MACROD2: variants seen among roughly 807,000 people sequenced by gnomAD.
The protein encoded by MACROD2 is mono-ADP ribosylhydrolase 2, also known as ADP-ribose glycohydrolase MACROD2.
In MACROD2, 36 loss-of-function variants were observed where a neutral mutation model predicts 70.4. That is an observed-to-expected ratio of 0.51 (90% confidence interval 0.39 to 0.68). The LOEUF is 0.68. Ranked by LOEUF, MACROD2 falls within the 30% of genes least tolerant of loss-of-function variation. The probability of loss-of-function intolerance (pLI) is 0.00; values close to 1 mark genes in which losing one functional copy is unlikely to be tolerated. For synonymous variants in MACROD2, 172 were observed against 178.8 expected, an observed-to-expected ratio of 0.96 and a Z score of 0.30; for missense variants, 496 against 538.4, an observed-to-expected ratio of 0.92 and a Z score of 0.78.
intron 5 of MACROD2, among the ~76,000 whole-genome samples, chr20:14,856,030 A>T (rs1207724860): frequency 6.6e-6 from 1 of 152,170 alleles, no homozygotes; most frequent in Non-Finnish European, 1.5e-5. Flanking sequence ...ATTGCACTTT[A>T]CATGGCTTTG....
intron 2 of MACROD2, 80 bp downstream of exon 2, chr20:14,002,484 TCA>T: frequency 1.3e-6 from 1 of 791,462 alleles, no homozygotes; most frequent in Non-Finnish European, 2.1e-6. Context: ...TAACTGGCGT[TCA>T]ATAAAGAGAT....
chr20:15,305,074 A>G (rs2077684213), intron 6 of MACROD2, among the ~76,000 whole-genome samples: 2 of 152,154 alleles, frequency 1.3e-5, no homozygotes, highest in African/African-American at 4.8e-5. Flanking sequence ...ACCCATGAAT[A>G]TTACCTACGT....
intron 7 of MACROD2, among the ~76,000 whole-genome samples, chr20:15,468,969 T>C (rs2046930641): frequency 6.6e-6 from 1 of 152,186 alleles, no homozygotes; most frequent in Non-Finnish European, 1.5e-5. Flanking sequence ...GAAGGGGGGA[T>C]ATTTTTGAAA....
intron 6 of MACROD2, among the ~76,000 whole-genome samples, chr20:15,283,571 C>G (rs1402797366): frequency 6.6e-6 from 1 of 152,064 alleles, no homozygotes; most frequent in African/African-American, 2.4e-5. Context: ...ACTCAAGAGG[C>G]TGAGGCAGGG....
At chr20:15,253,000 G>A (rs1427872388) in intron 6 of MACROD2, among the ~76,000 whole-genome samples, 1 of 152,168 alleles carries the variant, frequency 6.6e-6, no homozygotes, top group Non-Finnish European at 1.5e-5. Context: ...CAGTCATGGA[G>A]GTAGAACCGT....
intron 5 of MACROD2, among the ~76,000 whole-genome samples, chr20:14,857,154 A>G (rs1486385572): frequency 2.0e-5 from 3 of 152,088 alleles, no homozygotes; most frequent in East Asian, 3.9e-4. Flanking sequence ...CGTTATCCCT[A>G]TTCTCTCTCT....
intron 5 of MACROD2, among the ~76,000 whole-genome samples, chr20:15,128,259 AG>A (rs1286495266): frequency 6.6e-6 from 1 of 152,086 alleles, no homozygotes; most frequent in Non-Finnish European, 1.5e-5. Flanking sequence ...TTTTTACAGT[AG>A]GTGGTTTTAA....
At chr20:14,862,371 AAAT>A (rs1354177327) in intron 5 of MACROD2, among the ~76,000 whole-genome samples, 2 of 32,750 alleles carry the variant, frequency 6.1e-5, no homozygotes, top group African/African-American at 3.4e-4. Context: ...AAATATATAT[AAAT>A]ATATATATAA....
At chr20:15,994,530 C>T (rs1601292307) in intron 15 of MACROD2, among the ~76,000 whole-genome samples, 3 of 152,322 alleles carry the variant, frequency 2.0e-5, no homozygotes, top group Admixed American at 2.0e-4. Flanking sequence ...CAGGGTCCTA[C>T]TTCTAAATCA....
intron 5 of MACROD2, among the ~76,000 whole-genome samples, chr20:14,807,371 A>G (rs1229766415): frequency 1.3e-5 from 2 of 152,162 alleles, no homozygotes; most frequent in African/African-American, 4.8e-5. Context: ...GAAGGAAACT[A>G]ACAAACAGAA....
In MACROD2 at chr20:15,845,515, G is replaced by A. The variant is rs1685260386; in HGVS notation, c.646-17230G>A. 2.0e-5 allele frequency among the ~76,000 whole-genome samples: 3 copies of A among 152,014 alleles called. No homozygotes were observed. The South Asian group carries it at 6.2e-4, about 32-fold the overall frequency. On this transcript the variant is annotated intron_variant, in intron 8 of 17. Coordinates refer to ENST00000684519, the MANE Select transcript of MACROD2 (RefSeq NM_001351661.2). ...GAAATGAGTCGTGGAAAGCAGCATA[G>A]CAAGGAATAATCTTACTTGTGGCAG... is the stretch of plus-strand genomic sequence containing the variant.
At chr20:15,068,776 A>G (rs416984) in intron 5 of MACROD2, among the ~76,000 whole-genome samples, 26,760 of 152,154 alleles carry the variant, frequency 0.18, 2,824 homozygotes, top group Non-Finnish European at 0.24. Flanking sequence ...AGCCTTAGGC[A>G]TTCCTTTATA....
intron 2 of MACROD2, among the ~76,000 whole-genome samples, chr20:14,075,484 CTTA>C (rs954039913): frequency 3.3e-5 from 5 of 152,288 alleles, no homozygotes; most frequent in African/African-American, 9.6e-5. Flanking sequence ...AATCTGTTTA[CTTA>C]TTATTTGACA....
At chr20:15,653,925 TC>T (rs1253118666) in intron 8 of MACROD2, among the ~76,000 whole-genome samples, 1 of 152,026 alleles carries the variant, frequency 6.6e-6, no homozygotes, top group Non-Finnish European at 1.5e-5. Flanking sequence ...ATTTTTCCAC[TC>T]CAATGGAAGA....
Position 14,063,335 on chromosome 20 carries a change from G to C in MACROD2, c.164-22286G>C, listed in dbSNP as rs369406991. ...GTCAATTAGAAATTCTACTTCTGTG[G>C]TCATTCAGGGACATAGGCTCTATCC... is the stretch of plus-strand genomic sequence containing the variant. On this transcript the variant is annotated intron_variant, in intron 2 of 17. Coordinates refer to ENST00000684519, the MANE Select transcript of MACROD2 (RefSeq NM_001351661.2). Among the ~76,000 whole-genome samples the C allele has an allele frequency of 2.5e-4, 38 of 152,260 alleles. No individual in the cohort carries two copies. The East Asian group carries it at 7.3e-3, about 29-fold the overall frequency.
At chr20:14,286,039 T>C (rs1294417934) in intron 3 of MACROD2, among the ~76,000 whole-genome samples, 2 of 151,806 alleles carry the variant, frequency 1.3e-5, no homozygotes, top group Admixed American at 1.3e-4. Flanking sequence ...ACAGGAACAC[T>C]GTTAGGAGGT....
At chr20:16,003,136 C>T (rs2066738354) in intron 15 of MACROD2, among the ~76,000 whole-genome samples, 1 of 149,098 alleles carries the variant, frequency 6.7e-6, no homozygotes, top group African/African-American at 2.5e-5. Context: ...AATCTCTACC[C>T]TCAAGGGGAA....
At chr20:14,433,198 A>C (rs903969796) in intron 3 of MACROD2, among the ~76,000 whole-genome samples, 8 of 152,160 alleles carry the variant, frequency 5.3e-5, no homozygotes, top group African/African-American at 1.9e-4. Context: ...TTAAGGAAGG[A>C]GATGAAATAA....
intron 5 of MACROD2, among the ~76,000 whole-genome samples, chr20:14,731,214 A>C (rs2071593579): frequency 6.6e-6 from 1 of 152,140 alleles, no homozygotes; most frequent in Admixed American, 6.6e-5. Context: ...CACTTTAAAG[A>C]GATGAATGAG....
Sources: gnomAD v4.1 joint callset for allele counts (sites outside exome capture counted in the v4.1 genomes callset) on GRCh38, gnomAD v4.1.1 for gene constraint, MANE v1.5 for transcripts, NCBI Gene and HGNC (gene_info 2026-07-23, HGNC 2026-07-21) for gene names.